Variants in PLEKHG4B observed in about 807,000 individuals in gnomAD.
PLEKHG4B encodes the protein pleckstrin homology domain-containing family G member 4B.
A neutral mutation model predicts 121.3 loss-of-function variants in PLEKHG4B; 111 were observed. That is an observed-to-expected ratio of 0.92 (90% CI 0.78 to 1.07). The LOEUF (loss-of-function observed/expected upper bound fraction) is 1.07. Ranked by LOEUF, PLEKHG4B falls within the 50% of genes least tolerant of loss-of-function variation. The probability of loss-of-function intolerance (pLI) is 0.00; values close to 1 mark genes in which losing one functional copy is unlikely to be tolerated. For missense variants in PLEKHG4B, 1,831 were observed against 1,757.8 expected (o/e 1.04, Z -0.74); for synonymous variants, 738 against 725.0 (o/e 1.02, Z -0.29).
In PLEKHG4B at chr5:163,205, G is replaced by A. The variant is rs1183632705; in HGVS notation, c.3133G>A (p.Gly1045Arg). 3.8e-6 allele frequency: 6 copies of A among 1,591,552 alleles called. No individual in the cohort carries two copies. Among genetic ancestry groups the A allele is most frequent in the Non-Finnish European group, 4.3e-6 (5 of 1,169,764 alleles). Reference protein sequence around the residue: ...DPLSLLRGLPGAGATTAHLED... With the variant: ...DPLSLLRGLPRAGATTAHLED... ...ACTGTCCCTCCTCAGGGGCCTTCCA[G>A]GGGCAGGGGCCACCACGGCCCACCT... Residue 1045 changes from glycine (G) to arginine (R), a missense_variant, in exon 13 of 20, where the codon GGG becomes AGG. By Grantham distance (125) the Gly-to-Arg change is moderately radical. Transcript: ENST00000637938.
chr5:162,897 A>AC lies in PLEKHG4B; in HGVS notation c.2827dup (p.Leu943ProfsTer18). ...GGGAAACCGTGGGCATCACAGCAAG[A>AC]CCTGTGGCTGCAGTACCCCCAGACC... On this transcript the variant is annotated frameshift_variant, in exon 13 of 20. Coordinates refer to ENST00000637938, the MANE Select transcript of PLEKHG4B (RefSeq NM_052909.5). LOFTEE classifies it high-confidence loss of function. 1 of 1,533,126 alleles carries AC rather than the reference A, an allele frequency of 6.5e-7. No homozygotes were observed. Among genetic ancestry groups the AC allele is most frequent in the Non-Finnish European group, 8.8e-7 (1 of 1,139,318 alleles). The allele number at this position is 1,533,126 out of a possible 1,614,324, so 95.0% of individuals were successfully genotyped here.
intron 3 of PLEKHG4B, among the ~76,000 whole-genome samples, chr5:141,372 C>G (rs893753761): frequency 2.0e-5 from 3 of 148,318 alleles, no homozygotes; most frequent in African/African-American, 7.5e-5. Flanking sequence ...AGAGTGTGTT[C>G]CCCTCCGAGG....
Position 144,891 on chromosome 5 carries a change from G to A in PLEKHG4B, c.1876G>A (p.Ala626Thr), listed in dbSNP as rs1008516071. 6.2e-7 allele frequency: 1 copy of A among 1,613,382 alleles called. No homozygotes were observed. The highest frequency in any genetic ancestry group is 8.5e-7 in the Non-Finnish European group (1 of 1,179,954). ...TGCACGCAGGAGTCCAGCTGCCCCTGCCGTCTCCCAGGCCCTCTCAGGATT... is the reference window on the plus strand; with the variant it reads ...TGCACGCAGGAGTCCAGCTGCCCCTACCGTCTCCCAGGCCCTCTCAGGATT... ...VDARRSPAAPAVSQALSGLQN... is the reference protein window; with the variant it reads ...VDARRSPAAPTVSQALSGLQN... The change falls in exon 6 of 20, where the codon GCC becomes ACC. Residue 626 changes from alanine to threonine, a missense_variant. Physicochemically the swap from Ala to Thr is moderately conservative, Grantham distance 58 (BLOSUM62 0). Transcript: ENST00000637938.
At chr5:177,722 C>A (rs58563514) in intron 18 of PLEKHG4B, among the ~76,000 whole-genome samples, 1 of 152,094 alleles carries the variant, frequency 6.6e-6, no homozygotes, top group African/African-American at 2.4e-5. Context: ...GATCGAGTGC[C>A]CCATTTATCC....
chr5:169,351 G>A lies in PLEKHG4B; in HGVS notation c.3488G>A (p.Arg1163Lys), dbSNP rs781372045. Residue 1163 changes from arginine (R) to lysine (K), a missense_variant, in exon 14 of 20, where the codon AGG (arginine) becomes AAG (lysine). Coordinates refer to ENST00000637938, the MANE Select transcript of PLEKHG4B (RefSeq NM_052909.5). ...GRQQVGSSRL[R>K]HIMAEMIATE... ...TCTGTGTCTTCCAGCAGCCGACTGA[G>A]GCACATCATGGCCGAGATGATCGCC... 2 of 1,614,034 alleles carry A rather than the reference G, an allele frequency of 1.2e-6. No homozygotes were observed. Among genetic ancestry groups the A allele is most frequent in the South Asian group, 1.1e-5 (1 of 91,084 alleles).
intron 2 of PLEKHG4B, among the ~76,000 whole-genome samples, chr5:130,446 A>G (rs1158326277): frequency 6.6e-6 from 1 of 152,232 alleles, no homozygotes; most frequent in Non-Finnish European, 1.5e-5. Context: ...CTCATCCCTT[A>G]ACGCCCCCCC....
chr5:92,624 G>A (rs1197788005), intron 1 of PLEKHG4B, among the ~76,000 whole-genome samples: 1 of 151,592 alleles, frequency 6.6e-6, no homozygotes, highest in Non-Finnish European at 1.5e-5. Context: ...GCGGGAACGG[G>A]AGGGAGCTTC....
chr5:164,887 G>T (rs1449729370), intron 13 of PLEKHG4B, among the ~76,000 whole-genome samples: 1 of 75,314 alleles, frequency 1.3e-5, no homozygotes, highest in Non-Finnish European at 3.3e-5. Context: ...CTGACGGGGC[G>T]GAGCTCACAC....
intron 16 of PLEKHG4B, 28 bp downstream of exon 16, chr5:171,472 G>A: frequency 6.5e-7 from 1 of 1,541,064 alleles, no homozygotes; most frequent in African/African-American, 1.4e-5. Flanking sequence ...TGGCAGCTCA[G>A]GCAAGCTGGG....
chr5:161,779 A>G lies in PLEKHG4B; in HGVS notation c.2488-4A>G, dbSNP rs760851551. The G allele has an allele frequency of 3.3e-5, 54 of 1,613,436 alleles. No homozygotes were observed. Among genetic ancestry groups the G allele is most frequent in the South Asian group, 2.1e-4 (19 of 91,074 alleles). ...TGTACTGATGCTTTGTTCCTTGGGTACAGCAATCCTGCCAGAAAGGACTAC... is the reference window on the plus strand; with the variant it reads ...TGTACTGATGCTTTGTTCCTTGGGTGCAGCAATCCTGCCAGAAAGGACTAC... On this transcript the variant is annotated splice_polypyrimidine_tract_variant and splice_region_variant and intron_variant, in intron 11 of 19. Coordinates refer to ENST00000637938, the MANE Select transcript of PLEKHG4B (RefSeq NM_052909.5).
intron 2 of PLEKHG4B, among the ~76,000 whole-genome samples, chr5:138,155 C>T (rs771460126): frequency 3.3e-5 from 5 of 152,238 alleles, no homozygotes; most frequent in Non-Finnish European, 4.4e-5. Context: ...CCGCCCCCCA[C>T]CGGCAGCTAA....
In PLEKHG4B at chr5:163,345, C is replaced by G. The variant is rs530135061; in HGVS notation, c.3273C>G (p.Pro1091=). The G allele has an allele frequency of 2.5e-6, 4 of 1,613,338 alleles. No individual in the cohort carries two copies. In the African/African-American group the frequency reaches 4.0e-5, roughly 16 times the overall value. The change falls in exon 13 of 20, where the codon CCC becomes CCG. Residue 1091 remains proline, a synonymous_variant. Transcript: ENST00000637938. Reference sequence around the variant, plus strand: ...CGCAAAGTTTCGAGATACCTCAGCCCGACAGTGGCCCCAGGGACTCCTGCC... The same window carrying G: ...CGCAAAGTTTCGAGATACCTCAGCCGGACAGTGGCCCCAGGGACTCCTGCC... The part of the protein sequence containing the change: ...KKTQSFEIPQ[P]DSGPRDSCQP...
chr5:153,887 T>G (rs1378797193), intron 7 of PLEKHG4B, among the ~76,000 whole-genome samples: 1 of 152,188 alleles, frequency 6.6e-6, no homozygotes, highest in East Asian at 1.9e-4. Flanking sequence ...ATGGGGGTTT[T>G]GTCCTATTGC....
intron 6 of PLEKHG4B, among the ~76,000 whole-genome samples, chr5:149,504 G>C (rs896490327): frequency 6.6e-6 from 1 of 152,144 alleles, no homozygotes; most frequent in South Asian, 2.1e-4. Context: ...TCATGCCACT[G>C]CACTCCAGTA....
chr5:176,712 C>G (rs1220161891), intron 18 of PLEKHG4B, among the ~76,000 whole-genome samples: 1 of 152,258 alleles, frequency 6.6e-6, no homozygotes, highest in Non-Finnish European at 1.5e-5. Flanking sequence ...GAAGGTGCAG[C>G]TGATGCTCAG....
At chr5:153,717 G>A (rs938752122) in intron 7 of PLEKHG4B, among the ~76,000 whole-genome samples, 13 of 152,166 alleles carry the variant, frequency 8.5e-5, no homozygotes, top group Non-Finnish European at 1.9e-4. Context: ...ACAAGATCAA[G>A]CTGTATTGCT....
At chr5:160,048 A>G (rs1432161114) in intron 11 of PLEKHG4B, among the ~76,000 whole-genome samples, 1 of 152,236 alleles carries the variant, frequency 6.6e-6, no homozygotes, top group Non-Finnish European at 1.5e-5. Flanking sequence ...CCACGTTGTG[A>G]CCGGACAGGC....
At chr5:127,259 G>A (rs1349196084) in intron 2 of PLEKHG4B, among the ~76,000 whole-genome samples, 4 of 151,578 alleles carry the variant, frequency 2.6e-5, no homozygotes, top group African/African-American at 7.3e-5. Flanking sequence ...AAAAGGAAAC[G>A]TTACTACAGA....
Position 181,596 on chromosome 5 carries a change from C to T in PLEKHG4B, c.4485C>T (p.Asp1495=), listed in dbSNP as rs1733371529. The change falls in exon 19 of 20, where the codon GAC becomes GAT. Residue 1495 remains aspartate (D), a synonymous_variant. Coordinates refer to ENST00000637938, the MANE Select transcript of PLEKHG4B (RefSeq NM_052909.5). ...MDVKPRDRTP[D]CAVISDRAPK... ...TCAAGCCCAGAGACCGGACCCCTGA[C>T]TGTGCAGTGATAAGCGACCGGGCTC... The T allele has an allele frequency of 6.2e-7, 1 of 1,613,866 alleles. No individual in the cohort carries two copies. The highest frequency in any genetic ancestry group is 8.5e-7 in the Non-Finnish European group (1 of 1,179,908).
Sources: allele counts gnomAD v4.1 joint callset (sites outside exome capture counted in the v4.1 genomes callset), GRCh38; gene constraint gnomAD v4.1.1; transcripts MANE v1.5; gene names NCBI Gene and HGNC (gene_info 2026-07-23, HGNC 2026-07-21).